The following CTNNA3 variants were observed in gnomAD, a reference collection of about 807,000 sequenced individuals.
The protein encoded by CTNNA3 is catenin alpha 3, also known as catenin alpha-3.
In CTNNA3, 76 loss-of-function variants were observed where a neutral mutation model predicts 95.7. That is an observed-to-expected ratio of 0.79 (90% CI 0.66 to 0.96). CTNNA3 has a LOEUF of 0.96. Among genes scored for constraint, CTNNA3 ranks in the 40% least tolerant of loss-of-function variants. The pLI, the probability that CTNNA3 is intolerant of heterozygous loss-of-function variation, is 0.00. For missense variants in CTNNA3, 1,191 were observed against 1,089.8 expected (o/e 1.09, Z -1.31); for synonymous variants, 431 against 374.4 (o/e 1.15, Z -1.74).
chr10:65,971,379 G>GTTTTTT (rs57963750), intron 16 of CTNNA3, among the ~76,000 whole-genome samples: 23 of 140,100 alleles, frequency 1.6e-4, no homozygotes, highest in African/African-American at 5.5e-4. Flanking sequence ...CCAAAGTTGT[G>GTTTTTT]TTTTTTTTTT....
intron 7 of CTNNA3, among the ~76,000 whole-genome samples, chr10:67,142,090 A>G (rs1374726363): frequency 6.6e-6 from 1 of 152,130 alleles, no homozygotes; most frequent in Non-Finnish European, 1.5e-5. Flanking sequence ...CTTCAACAAA[A>G]TTTTCTTTAT....
intron 14 of CTNNA3, among the ~76,000 whole-genome samples, chr10:66,084,396 A>G (rs1311162072): frequency 6.6e-6 from 1 of 152,078 alleles, no homozygotes; most frequent in Non-Finnish European, 1.5e-5. Context: ...AAAAACTAAA[A>G]AAAAAGAGAA....
At chr10:66,328,933 T>TATACAC (rs59003281) in intron 12 of CTNNA3, among the ~76,000 whole-genome samples, 5 of 115,408 alleles carry the variant, frequency 4.3e-5, no homozygotes, top group South Asian at 6.1e-4. Context: ...TATATATATA[T>TATACAC]ACACACACAC....
chr10:65,980,648 T>C (rs752518785), intron 16 of CTNNA3, among the ~76,000 whole-genome samples: 1 of 151,768 alleles, frequency 6.6e-6, no homozygotes, highest in Non-Finnish European at 1.5e-5. Flanking sequence ...TAAACTGCCA[T>C]AATCACGTGG....
chr10:67,478,596 C>A (rs1195279546), intron 5 of CTNNA3, among the ~76,000 whole-genome samples: 2 of 152,036 alleles, frequency 1.3e-5, no homozygotes, highest in East Asian at 1.9e-4. Context: ...GAATTCATTA[C>A]CACTAGAGGA....
At chr10:66,997,193 A>G (rs1437754516) in intron 7 of CTNNA3, among the ~76,000 whole-genome samples, 1 of 152,136 alleles carries the variant, frequency 6.6e-6, no homozygotes, top group African/African-American at 2.4e-5. Context: ...TTATTTCAGC[A>G]TTTCAGAGGC....
At chr10:67,003,886 C>T (rs754424741) in intron 7 of CTNNA3, among the ~76,000 whole-genome samples, 1 of 152,100 alleles carries the variant, frequency 6.6e-6, no homozygotes, top group Admixed American at 6.6e-5. Context: ...CAGCATAAAA[C>T]GGAAGAGAAT....
At chr10:67,147,532 G>A (rs779660718) in intron 7 of CTNNA3, among the ~76,000 whole-genome samples, 1 of 152,104 alleles carries the variant, frequency 6.6e-6, no homozygotes. Flanking sequence ...CAAATAGCCT[G>A]CTAGATCTAA....
At chr10:66,608,089 T>C (rs1589488352) in intron 10 of CTNNA3, among the ~76,000 whole-genome samples, 2 of 152,198 alleles carry the variant, frequency 1.3e-5, no homozygotes, top group African/African-American at 4.8e-5. Flanking sequence ...ATAAAAAAAC[T>C]TCAGCAAAGT....
Position 66,790,137 on chromosome 10 carries a change from A to G in CTNNA3, c.1048-14613T>C, listed in dbSNP as rs561282511. On this transcript the variant is annotated intron_variant, in intron 7 of 17. Transcript: ENST00000433211. The stretch of plus-strand genomic sequence containing the variant: ...TATAGACTAAAAATACTCAAGTTAA[A>G]GAAAGCTAACAGATAAAAATATTAT... Among the ~76,000 whole-genome samples, 38 of 152,270 alleles carry G rather than the reference A, an allele frequency of 2.5e-4. No homozygotes were observed. In the South Asian group the frequency reaches 7.5e-3, roughly 30 times the overall value.
intron 1 of CTNNA3, among the ~76,000 whole-genome samples, chr10:67,726,457 TG>T (rs1841222414): frequency 4.0e-5 from 3 of 74,442 alleles, no homozygotes; most frequent in East Asian, 5.0e-4. Context: ...ATATTATATA[TG>T]ATATATGATA....
chr10:66,192,619 C>A (rs1327565335), intron 13 of CTNNA3, among the ~76,000 whole-genome samples: 1 of 152,100 alleles, frequency 6.6e-6, no homozygotes, highest in Non-Finnish European at 1.5e-5. Context: ...GATGGTCTGA[C>A]CTTTGCTCCC....
At chr10:66,639,906 G>A (rs1027941747) in intron 9 of CTNNA3, among the ~76,000 whole-genome samples, 2 of 151,906 alleles carry the variant, frequency 1.3e-5, no homozygotes, top group Admixed American at 6.6e-5. Context: ...CCCTAGGTAA[G>A]TTTAAAAAAA....
chr10:66,248,595 T>C (rs2090432136), intron 13 of CTNNA3, among the ~76,000 whole-genome samples: 1 of 152,130 alleles, frequency 6.6e-6, no homozygotes, highest in Non-Finnish European at 1.5e-5. Context: ...AGAGTTGCTA[T>C]ACTTATATGA....
intron 12 of CTNNA3, among the ~76,000 whole-genome samples, chr10:66,375,107 T>G (rs1479654341): frequency 2.6e-5 from 4 of 151,786 alleles, no homozygotes; most frequent in Non-Finnish European, 5.9e-5. Context: ...GAATTTGATG[T>G]GAGAAACAAG....
intron 6 of CTNNA3, among the ~76,000 whole-genome samples, chr10:67,186,879 A>G (rs1007253491): frequency 1.3e-5 from 2 of 152,148 alleles, no homozygotes; most frequent in Non-Finnish European, 2.9e-5. Context: ...CCAACTCCAT[A>G]TTCTTCTATT....
intron 12 of CTNNA3, among the ~76,000 whole-genome samples, chr10:66,314,497 T>C (rs1264681623): frequency 6.6e-6 from 1 of 152,098 alleles, no homozygotes; most frequent in African/African-American, 2.4e-5. Flanking sequence ...TTTTTTCCTT[T>C]TCTTCTTCTC....
intron 12 of CTNNA3, among the ~76,000 whole-genome samples, chr10:66,362,165 C>T (rs1273819864): frequency 5.2e-5 from 7 of 134,680 alleles, no homozygotes; most frequent in Admixed American, 1.7e-4. Context: ...TGCAGTTGTG[C>T]GATCTCAGCT....
At chr10:67,730,919 A>C (rs1252732400) in intron 1 of CTNNA3, among the ~76,000 whole-genome samples, 1 of 152,150 alleles carries the variant, frequency 6.6e-6, no homozygotes, top group Admixed American at 6.5e-5. Context: ...TTGGCTGTGA[A>C]AAATACATAC....
Sources: gnomAD v4.1 joint callset for allele counts (sites outside exome capture counted in the v4.1 genomes callset) on GRCh38, gnomAD v4.1.1 for gene constraint, MANE v1.5 for transcripts, NCBI Gene and HGNC (gene_info 2026-07-23, HGNC 2026-07-21) for gene names.